UBASH3B: variants seen among roughly 807,000 people sequenced by gnomAD.
The protein encoded by UBASH3B is ubiquitin associated and SH3 domain containing B.
In UBASH3B, 37 loss-of-function variants were observed where a neutral mutation model predicts 83.4. The observed-to-expected ratio is 0.44, with a 90% CI of 0.34 to 0.58. UBASH3B has a LOEUF of 0.58. Among genes scored for constraint, UBASH3B ranks in the 20% least tolerant of loss-of-function variants. UBASH3B has a pLI of 0.01. For missense variants in UBASH3B, 657 were observed against 827.2 expected (o/e 0.79, Z 2.52); for synonymous variants, 304 against 318.3 (o/e 0.96, Z 0.48).
At chr11:122,692,071 A>G (rs1863904270) in intron 1 of UBASH3B, among the ~76,000 whole-genome samples, 1 of 152,166 alleles carries the variant, frequency 6.6e-6, no homozygotes, top group African/African-American at 2.4e-5. Context: ...AACCTTGGAC[A>G]AGTGATTTAA....
At chr11:122,782,795 G>A (rs1032270540) in intron 4 of UBASH3B, 1 of 396,964 alleles carries the variant, frequency 2.5e-6, no homozygotes, top group Non-Finnish European at 4.5e-6. Flanking sequence ...TTAACTAAAA[G>A]GACTGCCCTC....
At chr11:122,774,765 G>A (rs1432295112) in intron 1 of UBASH3B, among the ~76,000 whole-genome samples, 1 of 152,186 alleles carries the variant, frequency 6.6e-6, no homozygotes, top group Admixed American at 6.5e-5. Context: ...GTCAGACACT[G>A]TCCAAGGCTC....
At chr11:122,787,491 C>T (rs1355618904) in intron 5 of UBASH3B, among the ~76,000 whole-genome samples, 1 of 152,196 alleles carries the variant, frequency 6.6e-6, no homozygotes, top group Non-Finnish European at 1.5e-5. Context: ...CTCTCATCCT[C>T]TGAAAAGAAT....
intron 11 of UBASH3B, among the ~76,000 whole-genome samples, chr11:122,804,966 A>G (rs567652377): frequency 5.9e-5 from 9 of 152,302 alleles, no homozygotes; most frequent in Admixed American, 2.0e-4. Context: ...GGCATTGGTG[A>G]CTGGGTTTGA....
intron 1 of UBASH3B, among the ~76,000 whole-genome samples, chr11:122,708,290 GCT>G (rs1864150236): frequency 9.6e-6 from 1 of 104,208 alleles, no homozygotes; most frequent in Admixed American, 1.4e-4. Flanking sequence ...ACTTTGCTTG[GCT>G]TTTTTTTTTT....
chr11:122,778,936 C>A (rs1860793442), intron 3 of UBASH3B, among the ~76,000 whole-genome samples: 1 of 152,132 alleles, frequency 6.6e-6, no homozygotes, highest in African/African-American at 2.4e-5. Flanking sequence ...AAATTATATA[C>A]ATTTATGGCG....
rs1861382227 is a variant in UBASH3B, at chr11:122,762,195, T to C, written c.162-14024T>C. Among the ~76,000 whole-genome samples the C allele has an allele frequency of 5.3e-5, 8 of 152,322 alleles. No individual in the cohort carries two copies. In the South Asian group the frequency reaches 1.4e-3, roughly 28 times the overall value. ...GAATCACCGTGCCCCTGGCTTGCTG[T>C]TGTCCTTGGGTAAGACAGGCTTCTG... On this transcript the variant is annotated intron_variant, in intron 1 of 13. Coordinates refer to ENST00000284273, the MANE Select transcript of UBASH3B (RefSeq NM_032873.5).
intron 6 of UBASH3B, among the ~76,000 whole-genome samples, chr11:122,794,112 A>T (rs910415025): frequency 1.3e-5 from 2 of 152,244 alleles, no homozygotes; most frequent in African/African-American, 4.8e-5. Flanking sequence ...TGCATGGCAC[A>T]AAATCACTAG....
intron 1 of UBASH3B, among the ~76,000 whole-genome samples, chr11:122,760,989 T>A (rs1008821294): frequency 6.6e-6 from 1 of 152,220 alleles, no homozygotes; most frequent in Non-Finnish European, 1.5e-5. Context: ...CTGATAACTC[T>A]GGAAATAATG....
chr11:122,661,874 C>CAA (rs1384176688), intron 1 of UBASH3B, among the ~76,000 whole-genome samples: 1 of 116,112 alleles, frequency 8.6e-6, no homozygotes. Flanking sequence ...AAAAAAAAAA[C>CAA]AAAAAAAAAA....
intron 1 of UBASH3B, among the ~76,000 whole-genome samples, chr11:122,766,373 G>A (rs1379332752): frequency 2.0e-5 from 3 of 152,078 alleles, no homozygotes; most frequent in Non-Finnish European, 2.9e-5. Flanking sequence ...GTGAAACCCC[G>A]TCTCTACTAA....
At chr11:122,671,251 C>T (rs544483437) in intron 1 of UBASH3B, among the ~76,000 whole-genome samples, 74 of 152,198 alleles carry the variant, frequency 4.9e-4, no homozygotes, top group Middle Eastern at 3.4e-3. Flanking sequence ...ATGGGCCAGG[C>T]GCAGTGGCTC....
chr11:122,798,928 G>A lies in UBASH3B; in HGVS notation c.1358-14G>A, dbSNP rs780647298. 9.9e-6 allele frequency: 16 copies of A among 1,611,240 alleles called. No homozygotes were observed. The highest frequency in any genetic ancestry group is 1.3e-5 in the African/African-American group (1 of 74,648). On this transcript the variant is annotated splice_polypyrimidine_tract_variant and intron_variant, in intron 9 of 13. Coordinates refer to ENST00000284273, the MANE Select transcript of UBASH3B (RefSeq NM_032873.5). ...AAATCCATCAGACTGATTTTTTTGTGGTTTTCTTTGCAGGTGAAGCCTTAT... is the reference window on the plus strand; with the variant it reads ...AAATCCATCAGACTGATTTTTTTGTAGTTTTCTTTGCAGGTGAAGCCTTAT...
chr11:122,807,000 A>G lies in UBASH3B; in HGVS notation c.1702+484A>G, dbSNP rs953248178. On this transcript the variant is annotated intron_variant, in intron 12 of 13. Coordinates refer to ENST00000284273, the MANE Select transcript of UBASH3B (RefSeq NM_032873.5). This position sits in a 1 kb window ranked among gnomAD's most constrained non-coding sequence, Gnocchi z 4.0. ...TATTTAATATGTAAGACTGTTCACTATCAATTTTTTAGTGAAAAAGGCATA... is the reference window on the plus strand; with the variant it reads ...TATTTAATATGTAAGACTGTTCACTGTCAATTTTTTAGTGAAAAAGGCATA... 2.6e-4 allele frequency among the ~76,000 whole-genome samples: 40 copies of G among 152,330 alleles called. No homozygotes were observed. Among genetic ancestry groups the G allele is most frequent in the African/African-American group, 9.4e-4 (39 of 41,570 alleles).
intron 1 of UBASH3B, among the ~76,000 whole-genome samples, chr11:122,678,507 A>T (rs1473788892): frequency 2.6e-5 from 4 of 152,186 alleles, no homozygotes; most frequent in Non-Finnish European, 5.9e-5. Flanking sequence ...GTGAAGGCTA[A>T]ATCTCTTTCC....
At chr11:122,690,862 C>T (rs1863887036) in intron 1 of UBASH3B, among the ~76,000 whole-genome samples, 2 of 152,118 alleles carry the variant, frequency 1.3e-5, no homozygotes, top group South Asian at 2.1e-4. Flanking sequence ...TGTCATCTTG[C>T]GCTCTGTAAT....
intron 1 of UBASH3B, among the ~76,000 whole-genome samples, chr11:122,723,867 T>C (rs1393601135): frequency 6.6e-6 from 1 of 151,978 alleles, no homozygotes; most frequent in Non-Finnish European, 1.5e-5. Flanking sequence ...AAACTTTGAG[T>C]GGATTTTCTG....
intron 3 of UBASH3B, among the ~76,000 whole-genome samples, chr11:122,779,163 C>T (rs879868257): frequency 9.2e-5 from 14 of 152,184 alleles, no homozygotes; most frequent in African/African-American, 2.9e-4. Context: ...TGAAGTTTTA[C>T]GTCCTTTGAC....
intron 1 of UBASH3B, among the ~76,000 whole-genome samples, chr11:122,724,760 T>G (rs990163457): frequency 6.6e-6 from 1 of 151,724 alleles, no homozygotes; most frequent in Non-Finnish European, 1.5e-5. Flanking sequence ...GTGCAGGAAA[T>G]GACAGAAAGT....
Sources: gnomAD v4.1 joint callset for allele counts (sites outside exome capture counted in the v4.1 genomes callset) on GRCh38, gnomAD v4.1.1 for gene constraint, Gnocchi (gnomAD v3.1) non-coding constraint, MANE v1.5 for transcripts, NCBI Gene and HGNC (gene_info 2026-07-23, HGNC 2026-07-21) for gene names.